Variants in CDKL2 observed in about 807,000 individuals in gnomAD.
CDKL2 encodes cyclin dependent kinase like 2, also known as cyclin-dependent kinase-like 2.
In CDKL2, 64 loss-of-function variants were observed where a neutral mutation model predicts 63.9. The ratio of observed to expected loss-of-function variants is 1.00; its 90% CI spans 0.82 to 1.23. The LOEUF (loss-of-function observed/expected upper bound fraction) is 1.23, where lower values mean the gene tolerates loss of function less well. CDKL2 is among the 50% of genes most tolerant of loss of function. The pLI is 0.00. For synonymous variants in CDKL2, 211 were observed against 229.2 expected, an observed-to-expected ratio of 0.92 and a Z score of 0.72; for missense variants, 656 against 668.0, an observed-to-expected ratio of 0.98 and a Z score of 0.20.
At chr4:75,607,513 G>T in intron 3 of CDKL2, 152 bp from the exon 4 acceptor site, 1 of 503,476 alleles carries the variant, frequency 2.0e-6, no homozygotes, top group Non-Finnish European at 3.5e-6. Flanking sequence ...GGACCTAGTT[G>T]GGCAAGAAAG....
At chr4:75,596,893 T>C (rs865849827) in intron 9 of CDKL2, 42 bp downstream of exon 9, 1 of 1,517,448 alleles carries the variant, frequency 6.6e-7, no homozygotes, top group Admixed American at 1.9e-5. Context: ...TTTGCAAATA[T>C]GTCCTTAAAC....
chr4:75,598,191 T>A lies in CDKL2; in HGVS notation c.906A>T (p.Leu302Phe), dbSNP rs1291485816. 7 of 1,489,512 alleles carry A rather than the reference T, an allele frequency of 4.7e-6. No individual in the cohort carries two copies. Among genetic ancestry groups the A allele is most frequent in the Non-Finnish European group, 6.4e-6 (7 of 1,093,628 alleles). 92.3% of individuals were successfully genotyped at this position (1,489,512 alleles called of 1,614,324 possible). The change falls in exon 8 of 14, where the codon TTA becomes TTT. Residue 302 changes from leucine (L) to phenylalanine (F), a missense_variant. Physicochemically the swap from Leu to Phe is conservative, Grantham distance 22 (BLOSUM62 0). Coordinates refer to ENST00000307465, the MANE Select transcript of CDKL2 (RefSeq NM_001330724.2). ...CATTTCTGGCATCTTTCTGTACTTT[T>A]AACTGTAGTTCTTGGGAAAACCTAC... ...FAERFSQELQ[L>F]KVQKDARNVS...
chr4:75,618,203 A>G (rs182094891), intron 2 of CDKL2, among the ~76,000 whole-genome samples: 109 of 144,834 alleles, frequency 7.5e-4, no homozygotes, highest in Admixed American at 1.4e-3. Context: ...GTAATGGCAG[A>G]CTGAGTAACT....
At chr4:75,581,739 G>A (rs1348467064) in intron 13 of CDKL2, 71 bp downstream of exon 13, 2 of 744,584 alleles carry the variant, frequency 2.7e-6, no homozygotes, top group Non-Finnish European at 4.6e-6. Context: ...CTGAAAAATT[G>A]GTATTCAGCA....
intron 5 of CDKL2, among the ~76,000 whole-genome samples, chr4:75,604,554 C>T (rs953966740): frequency 2.6e-5 from 4 of 152,134 alleles, no homozygotes; most frequent in Non-Finnish European, 5.9e-5. Flanking sequence ...TTTCAACAAA[C>T]GTAAGATTTT....
At chr4:75,579,223 C>G (rs1466638526) in intron 13 of CDKL2, 45 bp from the exon 14 acceptor site, 2 of 152,212 alleles carry the variant, frequency 1.3e-5, no homozygotes, top group African/African-American at 4.8e-5. Flanking sequence ...TACAAAAAAT[C>G]TTTCTAAAAA....
At chr4:75,601,539 T>G (rs924065931) in intron 6 of CDKL2, among the ~76,000 whole-genome samples, 1 of 152,036 alleles carries the variant, frequency 6.6e-6, no homozygotes, top group African/African-American at 2.4e-5. Flanking sequence ...TTAAACAAGA[T>G]TATCAAAAGG....
At chr4:75,623,490 G>A (rs1019250285) in intron 2 of CDKL2, among the ~76,000 whole-genome samples, 3 of 152,164 alleles carry the variant, frequency 2.0e-5, no homozygotes, top group Admixed American at 6.5e-5. Flanking sequence ...AGATTTGACT[G>A]TGTCAAACAC....
chr4:75,585,093 G>C (rs1488087134), intron 12 of CDKL2, among the ~76,000 whole-genome samples: 1 of 152,084 alleles, frequency 6.6e-6, no homozygotes, highest in Non-Finnish European at 1.5e-5. Context: ...GAAAGTAAAT[G>C]AAATCAACAA....
chr4:75,622,825 C>T (rs1392896278), intron 2 of CDKL2, among the ~76,000 whole-genome samples: 1 of 148,558 alleles, frequency 6.7e-6, no homozygotes, highest in Non-Finnish European at 1.5e-5. Context: ...CAATTCTCCA[C>T]AAATTGATTG....
chr4:75,597,205 T>A lies in CDKL2; in HGVS notation c.1052A>T (p.Tyr351Phe), dbSNP rs182108470. 9.5e-5 allele frequency: 152 copies of A among 1,608,330 alleles called. 1 individual carries two copies. In the Middle Eastern group the frequency reaches 1.2e-3, roughly 13 times the overall value. ...DTNADPKIKDYKLFKIKGSKI... is the reference protein window; with the variant it reads ...DTNADPKIKDFKLFKIKGSKI... Reference sequence around the variant, plus strand: ...TGAGCCTTTTATTTTAAATAGTTTATAATCCTTAATTTTGGGATCAGCATT... The same window carrying A: ...TGAGCCTTTTATTTTAAATAGTTTAAAATCCTTAATTTTGGGATCAGCATT... Residue 351 changes from tyrosine to phenylalanine, a missense_variant, in exon 9 of 14, where the codon TAT (tyrosine) becomes TTT (phenylalanine). Coordinates refer to ENST00000307465, the MANE Select transcript of CDKL2 (RefSeq NM_001330724.2).
Position 75,617,211 on chromosome 4 carries a change from A to C in CDKL2, c.169-2762T>G, listed in dbSNP as rs562321265. 3.9e-5 allele frequency among the ~76,000 whole-genome samples: 6 copies of C among 152,272 alleles called. No individual in the cohort carries two copies. In the South Asian group the frequency reaches 1.2e-3, roughly 32 times the overall value. On this transcript the variant is annotated intron_variant, in intron 2 of 13. Coordinates refer to ENST00000307465, the MANE Select transcript of CDKL2 (RefSeq NM_001330724.2). ...CCCTGAACTTAAAAGTTAAAAAAAA[A>C]CACAAACTTCTACCCTGCCTTCCCT...
chr4:75,608,719 C>A (rs1023680983), intron 3 of CDKL2, among the ~76,000 whole-genome samples: 1 of 152,102 alleles, frequency 6.6e-6, no homozygotes, highest in African/African-American at 2.4e-5. Flanking sequence ...ATAGGCCGCA[C>A]GCAGTGGCTC....
chr4:75,589,844 T>C (rs1172399698), intron 12 of CDKL2, among the ~76,000 whole-genome samples: 1 of 151,754 alleles, frequency 6.6e-6, no homozygotes, highest in Non-Finnish European at 1.5e-5. Context: ...TAGCTGGGCA[T>C]GGTAGCCTGC....
In CDKL2 at chr4:75,577,556, T is replaced by C. The variant is rs867758526; in HGVS notation, c.*1646A>G. Among the ~76,000 whole-genome samples, 1 of 152,176 alleles carries C rather than the reference T, an allele frequency of 6.6e-6. No individual in the cohort carries two copies. The highest frequency in any genetic ancestry group is 1.5e-5 in the Non-Finnish European group (1 of 68,016). On this transcript the variant is annotated 3_prime_UTR_variant, in exon 14 of 14. Transcript: ENST00000307465. ...TGATATTCTCACACTGATCTTTACA[T>C]AAAAATAGTATTGAAATAAGCCGAA...
At chr4:75,608,185 C>T (rs1250880843) in intron 3 of CDKL2, among the ~76,000 whole-genome samples, 1 of 126,748 alleles carries the variant, frequency 7.9e-6, no homozygotes, top group Non-Finnish European at 1.6e-5. Flanking sequence ...AGTGCAATGG[C>T]GCGATTTCGG....
chr4:75,603,048 G>A (rs913579550), intron 6 of CDKL2, among the ~76,000 whole-genome samples: 15 of 140,400 alleles, frequency 1.1e-4, no homozygotes, highest in Non-Finnish European at 1.5e-4. Context: ...GCCGGACTGC[G>A]GACTGCAGTG....
rs1045856925 is a variant in CDKL2, at chr4:75,597,323, G to A, written c.1021-87C>T. On this transcript the variant is annotated intron_variant, in intron 8 of 13. Transcript: ENST00000307465. ...TCTTATAAAGTACTTGTCAACTAGA[G>A]CAGAATATCATAAGTATCACCTTTT... is the stretch of plus-strand genomic sequence containing the variant. The A allele has an allele frequency of 1.8e-5, 14 of 798,280 alleles. No individual in the cohort carries two copies. In the South Asian group the frequency reaches 2.2e-4, roughly 12 times the overall value. 49.4% of individuals were successfully genotyped at this position (798,280 alleles called of 1,614,324 possible).
At chr4:75,627,349 G>C (rs977540431) in intron 1 of CDKL2, among the ~76,000 whole-genome samples, 4 of 151,710 alleles carry the variant, frequency 2.6e-5, no homozygotes, top group South Asian at 2.1e-4. Context: ...TTAGGCTCAC[G>C]GCAACCTCCA....
Sources: gnomAD v4.1 joint callset for allele counts (sites outside exome capture counted in the v4.1 genomes callset) on GRCh38, gnomAD v4.1.1 for gene constraint, MANE v1.5 for transcripts, NCBI Gene and HGNC (gene_info 2026-07-23, HGNC 2026-07-21) for gene names.